The following CCDC66 variants were observed in gnomAD, a reference collection of about 807,000 sequenced individuals.
CCDC66 encodes the protein coiled-coil domain-containing protein 66.
Under a neutral mutation model 128.3 loss-of-function variants are expected in CCDC66, and 133 were observed. That is an observed-to-expected ratio of 1.04 (90% CI 0.90 to 1.20). The LOEUF is 1.20. Among genes scored for constraint, CCDC66 ranks in the 50% most tolerant of loss-of-function variants. CCDC66 has a pLI of 0.00. For synonymous variants in CCDC66, 387 were observed against 357.0 expected (o/e 1.08, Z -0.95); for missense variants, 1,126 against 1,075.5 (o/e 1.05, Z -0.66).
intron 16 of CCDC66, 26 bp downstream of exon 16, chr3:56,619,553 T>C (rs1163495733): frequency 1.3e-6 from 2 of 1,554,990 alleles, no homozygotes; most frequent in East Asian, 4.6e-5. Flanking sequence ...GCATTCTAAC[T>C]GTAAAAATTG....
At chr3:56,607,992 C>T (rs1385489884) in intron 10 of CCDC66, among the ~76,000 whole-genome samples, 1 of 152,140 alleles carries the variant, frequency 6.6e-6, no homozygotes, top group African/African-American at 2.4e-5. Flanking sequence ...CCCACTTGAT[C>T]ATGGTGGATT....
intron 7 of CCDC66, among the ~76,000 whole-genome samples, chr3:56,576,372 T>A (rs926595416): frequency 6.6e-5 from 10 of 151,558 alleles, no homozygotes; most frequent in Admixed American, 2.0e-4. Context: ...TACATGGGAT[T>A]TTTAAAAAAA....
chr3:56,567,127 C>T (rs2065962303), intron 6 of CCDC66, 74 bp downstream of exon 6: 8 of 1,144,884 alleles, frequency 7.0e-6, no homozygotes, highest in Non-Finnish European at 9.1e-6. Context: ...CACGGTGGCT[C>T]ACACCTGTAA....
chr3:56,618,043 A>G (rs1387613180), intron 14 of CCDC66, 129 bp from the exon 15 acceptor site: 1 of 759,036 alleles, frequency 1.3e-6, no homozygotes, highest in Non-Finnish European at 2.3e-6. Flanking sequence ...TATCTATTCC[A>G]TTGCTCAGTC....
intron 12 of CCDC66, 92 bp from the exon 13 acceptor site, chr3:56,615,830 T>A (rs1347702346): frequency 9.0e-7 from 1 of 1,108,838 alleles, no homozygotes; most frequent in Non-Finnish European, 1.3e-6. Context: ...TCATTCTGAT[T>A]AAGTGAAAAT....
At position 56,584,055 on chromosome 3, in the gene CCDC66, G is replaced by A. The variant is rs1308071228; in HGVS notation, c.937-8915G>A. On this transcript the variant is annotated intron_variant, in intron 7 of 17. Transcript: ENST00000394672. ...TCCCTCCCGGACGGGGCGGCTGGCCGGGCGGGGGCTGCCCCCCACCTCCCT... is the reference window on the plus strand; with the variant it reads ...TCCCTCCCGGACGGGGCGGCTGGCCAGGCGGGGGCTGCCCCCCACCTCCCT... Among the ~76,000 whole-genome samples the A allele has an allele frequency of 1.1e-3, 150 of 140,268 alleles. 3 individuals are homozygous for A. Among genetic ancestry groups the A allele is most frequent in the East Asian group, 1.8e-3 (8 of 4,390 alleles). The allele number at this position is 140,268 out of a possible 152,430, so 92.0% of individuals were successfully genotyped here. A position where few individuals can be genotyped will look rare whatever the true frequency, so the allele number is the denominator to read the frequency against.
At chr3:56,568,946 A>G (rs1338824882) in intron 6 of CCDC66, among the ~76,000 whole-genome samples, 1 of 152,258 alleles carries the variant, frequency 6.6e-6, no homozygotes, top group Non-Finnish European at 1.5e-5. Context: ...TTTCTTAGGA[A>G]TAGCTATGCT....
rs367646404 is a variant in CCDC66, at chr3:56,575,535, CT to C, written c.936+4234del. Among the ~76,000 whole-genome samples the C allele has an allele frequency of 2.7e-3, 405 of 151,920 alleles. 9 individuals carry two copies. Among genetic ancestry groups the C allele is most frequent in the South Asian group, 0.022 (106 of 4,818 alleles). On this transcript the variant is annotated intron_variant, in intron 7 of 17. Coordinates refer to ENST00000394672, the MANE Select transcript of CCDC66 (RefSeq NM_001141947.3). ...CAACTGTTTTCTCCCATTCTGTGAG[CT>C]ACTTTTTCACTCTCTTGATAATAGT...
At chr3:56,609,522 T>G (rs921777977) in intron 10 of CCDC66, among the ~76,000 whole-genome samples, 6 of 152,250 alleles carry the variant, frequency 3.9e-5, no homozygotes, top group African/African-American at 1.4e-4. Flanking sequence ...TTCTTATCCA[T>G]TCTGCAGTTC....
Position 56,616,855 on chromosome 3 carries a change from AT to A in CCDC66, c.1844-254del, listed in dbSNP as rs11361988. The A allele has an allele frequency of 6.2e-3, 2,180 of 350,222 alleles. 53 individuals are homozygous for A. Among genetic ancestry groups the A allele is most frequent in the African/African-American group, 0.041 (1,943 of 47,206 alleles). The allele number at this position is 350,222 out of a possible 1,614,324, so 21.7% of individuals were successfully genotyped here. A position where few individuals can be genotyped will look rare whatever the true frequency, so the allele number is the denominator to read the frequency against. Reference sequence around the variant, plus strand: ...GGTATCTCAGGTGGTTTTGGTTTGCATTTCCCCCCCAGTGACTGATGATGTT... The same window carrying A: ...GGTATCTCAGGTGGTTTTGGTTTGCATTCCCCCCCAGTGACTGATGATGTT... On this transcript the variant is annotated intron_variant, in intron 13 of 17. Transcript: ENST00000394672.
intron 7 of CCDC66, among the ~76,000 whole-genome samples, chr3:56,579,693 A>T (rs1297036414): frequency 1.3e-5 from 2 of 151,792 alleles, no homozygotes; most frequent in Non-Finnish European, 2.9e-5. Context: ...GAGCAGGTTG[A>T]TCAGTTTCCA....
chr3:56,565,821 CA>C (rs1201481817), intron 4 of CCDC66, among the ~76,000 whole-genome samples: 1 of 150,776 alleles, frequency 6.6e-6, no homozygotes, highest in African/African-American at 2.4e-5. Flanking sequence ...CGCCCGCCAC[CA>C]CGCCCGGCTA....
intron 13 of CCDC66, chr3:56,616,762 C>T (rs1205905799): frequency 5.3e-6 from 1 of 187,694 alleles, no homozygotes; most frequent in Admixed American, 6.0e-5. Context: ...ACATTCCCAC[C>T]ATCAGTGCAT....
At chr3:56,557,580 T>G in intron 1 of CCDC66, 1 of 365,348 alleles carries the variant, frequency 2.7e-6, no homozygotes. Context: ...AGAGGAAGCG[T>G]GGCGGCTCCT....
At chr3:56,558,584 G>C in intron 1 of CCDC66, among the ~76,000 whole-genome samples, 1 of 152,128 alleles carries the variant, frequency 6.6e-6, no homozygotes, top group East Asian at 1.9e-4. Context: ...TTAATTTATA[G>C]TTTACCAATA....
intron 7 of CCDC66, among the ~76,000 whole-genome samples, chr3:56,592,096 G>A (rs9311605): frequency 0.021 from 3,129 of 152,046 alleles, 102 homozygotes; most frequent in African/African-American, 0.07. Context: ...TCAAAGACTC[G>A]TTCTGGACAC....
chr3:56,595,650 A>G (rs282522), intron 10 of CCDC66, among the ~76,000 whole-genome samples: 58,134 of 152,138 alleles, frequency 0.38, 13,713 homozygotes, highest in Non-Finnish European at 0.54. Context: ...TTGTTCATCA[A>G]TGGACACTCA....
intron 14 of CCDC66, 32 bp downstream of exon 14, chr3:56,617,637 A>G (rs936439852): frequency 8.3e-6 from 13 of 1,557,522 alleles, no homozygotes; most frequent in African/African-American, 1.4e-5. Flanking sequence ...TGATGTGTTG[A>G]CGTTTCTGGA....
At chr3:56,563,430 C>A (rs1377859155) in intron 3 of CCDC66, 5 of 359,042 alleles carry the variant, frequency 1.4e-5, no homozygotes, top group East Asian at 1.4e-4. Context: ...GTGGTATAAT[C>A]TAATGACATA....
Sources: allele counts gnomAD v4.1 joint callset (sites outside exome capture counted in the v4.1 genomes callset), GRCh38; gene constraint gnomAD v4.1.1; transcripts MANE v1.5; gene names NCBI Gene and HGNC (gene_info 2026-07-23, HGNC 2026-07-21).